The following CDKL1 variants were observed in gnomAD, a reference collection of about 807,000 sequenced individuals.
CDKL1 encodes cyclin dependent kinase like 1, also known as cyclin-dependent kinase-like 1.
Under a neutral mutation model 42.0 loss-of-function variants are expected in CDKL1, and 41 were observed. That is an observed-to-expected ratio of 0.98 (90% CI 0.76 to 1.27). CDKL1 has a LOEUF of 1.27. Ranked by LOEUF, CDKL1 falls within the 50% of genes most tolerant of loss-of-function variation. The pLI, the probability that CDKL1 is intolerant of heterozygous loss-of-function variation, is 0.00. For missense variants in CDKL1, 394 were observed against 428.4 expected, an observed-to-expected ratio of 0.92 and a Z score of 0.71; for synonymous variants, 153 against 158.6, an observed-to-expected ratio of 0.96 and a Z score of 0.26.
At chr14:50,369,648 T>C (rs117166626) in intron 2 of CDKL1, among the ~76,000 whole-genome samples, 5,347 of 149,262 alleles carry the variant, frequency 0.036, 206 homozygotes, top group East Asian at 0.18. Context: ...ATATATATAG[T>C]TGCTCTATTG....
chr14:50,379,623 CAG>C (rs777204574), intron 2 of CDKL1, among the ~76,000 whole-genome samples: 4 of 152,136 alleles, frequency 2.6e-5, no homozygotes, highest in Non-Finnish European at 5.9e-5. Context: ...TAATAATGCA[CAG>C]GAATGCCATG....
chr14:50,383,922 G>A (rs1385487691), intron 2 of CDKL1, among the ~76,000 whole-genome samples: 1 of 152,158 alleles, frequency 6.6e-6, no homozygotes, highest in East Asian at 1.9e-4. Context: ...TCACTACACA[G>A]CCGGAATATA....
intron 7 of CDKL1, among the ~76,000 whole-genome samples, chr14:50,336,702 A>G (rs1380776472): frequency 6.6e-6 from 1 of 152,186 alleles, no homozygotes; most frequent in Admixed American, 6.5e-5. Flanking sequence ...GATTTCACAG[A>G]CCTTAATTAT....
intron 3 of CDKL1, among the ~76,000 whole-genome samples, chr14:50,348,180 G>C (rs1424034491): frequency 1.3e-5 from 2 of 152,182 alleles, no homozygotes; most frequent in African/African-American, 4.8e-5. Context: ...AGCCAGGAGA[G>C]GGAAGGTGGA....
chr14:50,364,691 G>A (rs964910604), intron 2 of CDKL1, among the ~76,000 whole-genome samples: 2 of 152,306 alleles, frequency 1.3e-5, no homozygotes, highest in Non-Finnish European at 2.9e-5. Context: ...CGCAAGGGCT[G>A]TACTGCCAAT....
At chr14:50,387,158 C>G (rs1161749719) in intron 2 of CDKL1, among the ~76,000 whole-genome samples, 1 of 131,656 alleles carries the variant, frequency 7.6e-6, no homozygotes, top group African/African-American at 2.9e-5. Context: ...GGTGAGCCAT[C>G]ATTGCCCCAC....
intron 2 of CDKL1, among the ~76,000 whole-genome samples, chr14:50,377,065 G>C (rs986665025): frequency 6.6e-6 from 1 of 152,204 alleles, no homozygotes; most frequent in Non-Finnish European, 1.5e-5. Context: ...TTCTAGAACA[G>C]CAAGGAGGTC....
At chr14:50,354,233 G>A (rs2033990664) in intron 3 of CDKL1, among the ~76,000 whole-genome samples, 3 of 152,142 alleles carry the variant, frequency 2.0e-5, no homozygotes, top group Non-Finnish European at 4.4e-5. Context: ...GGGATTGCAG[G>A]TGTGAGCAAC....
At chr14:50,362,198 C>T (rs929204609) in intron 2 of CDKL1, 3 of 270,100 alleles carry the variant, frequency 1.1e-5, no homozygotes, top group Non-Finnish European at 2.2e-5. Context: ...TGGGCTCCTG[C>T]GCGGCCGAGC....
At chr14:50,359,259 G>C in intron 2 of CDKL1, 110 bp from the exon 3 acceptor site, 1 of 1,235,166 alleles carries the variant, frequency 8.1e-7, no homozygotes, top group Non-Finnish European at 1.1e-6. Context: ...TTCATTCTTA[G>C]ATTGAAGGAG....
chr14:50,383,458 G>C (rs2034980901), intron 2 of CDKL1, among the ~76,000 whole-genome samples: 1 of 151,648 alleles, frequency 6.6e-6, no homozygotes, highest in African/African-American at 2.4e-5. Context: ...GCTGAGACAG[G>C]AGAATCGCTT....
At chr14:50,361,976 G>T (rs1031172481) in intron 2 of CDKL1, among the ~76,000 whole-genome samples, 1 of 152,232 alleles carries the variant, frequency 6.6e-6, no homozygotes, top group Admixed American at 6.5e-5. Flanking sequence ...GGCGGGAACC[G>T]GCGAGTTCCG....
intron 2 of CDKL1, chr14:50,390,269 C>T: frequency 7.3e-7 from 1 of 1,366,472 alleles, no homozygotes. Context: ...TTAACGCCCC[C>T]ATACCACCTG....
intron 2 of CDKL1, 88 bp downstream of exon 2, chr14:50,395,613 G>T: frequency 1.1e-6 from 1 of 874,376 alleles, no homozygotes; most frequent in Non-Finnish European, 1.8e-6. Context: ...GCTGCTGTGA[G>T]CTATGATCAC....
intron 8 of CDKL1, 116 bp from the exon 9 acceptor site, chr14:50,332,548 G>A (rs1162663082): frequency 2.0e-6 from 3 of 1,489,432 alleles, no homozygotes; most frequent in African/African-American, 2.8e-5. Flanking sequence ...GGGGGAAAAG[G>A]CAGGAAAACA....
rs144318284 is a variant in CDKL1, at chr14:50,366,720, A to C, written c.169-7571T>G. ...GTCTTGAGATGTATTTTGTTATCAG[A>C]ATAGTCCGGATGTGGTGATCGGCTG... On this transcript the variant is annotated intron_variant, in intron 2 of 9. Transcript: ENST00000395834. 2.2e-4 allele frequency among the ~76,000 whole-genome samples: 34 copies of C among 151,904 alleles called. 1 individual carries two copies. The East Asian group carries it at 6.6e-3, about 29-fold the overall frequency.
At chr14:50,379,127 C>T (rs1200258937) in intron 2 of CDKL1, among the ~76,000 whole-genome samples, 2 of 152,194 alleles carry the variant, frequency 1.3e-5, no homozygotes, top group African/African-American at 4.8e-5. Context: ...GCTGGGATTA[C>T]AGGTGTGAGC....
chr14:50,330,609 C>T (rs781341449), intron 9 of CDKL1: 1 of 182,930 alleles, frequency 5.5e-6, no homozygotes. Flanking sequence ...AAGCATGGCA[C>T]AGTGTACACT....
At chr14:50,375,270 C>T (rs1419818424) in intron 2 of CDKL1, among the ~76,000 whole-genome samples, 3 of 152,100 alleles carry the variant, frequency 2.0e-5, no homozygotes, top group Admixed American at 1.3e-4. Context: ...CAAATCCATA[C>T]TAATATAAAT....
Sources: gnomAD v4.1 joint callset for allele counts (sites outside exome capture counted in the v4.1 genomes callset) on GRCh38, gnomAD v4.1.1 for gene constraint, MANE v1.5 for transcripts, NCBI Gene and HGNC (gene_info 2026-07-23, HGNC 2026-07-21) for gene names.